Variants in LINGO1 observed in about 807,000 individuals in gnomAD.
LINGO1 encodes leucine-rich repeat and immunoglobulin-like domain-containing nogo receptor-interacting protein 1.
LINGO1 carries 11 observed loss-of-function variants against 37.3 expected under a neutral mutation model. That is an observed-to-expected ratio of 0.29 (90% CI 0.19 to 0.49). LINGO1 has a LOEUF of 0.49. LINGO1 is among the 20% of genes least tolerant of loss of function. The pLI is 0.99. For missense variants in LINGO1, 585 were observed against 878.2 expected, an observed-to-expected ratio of 0.67 and a Z score of 4.22; for synonymous variants, 387 against 403.0, an observed-to-expected ratio of 0.96 and a Z score of 0.48.
At chr15:77,646,400 T>G in intron 3 of LINGO1, 1 of 435,538 alleles carries the variant, frequency 2.3e-6, no homozygotes, top group African/African-American at 2.4e-5. Flanking sequence ...CACCCCTCTG[T>G]CATGGTGATC....
chr15:77,737,552 T>G (rs2076215338), intron 1 of LINGO1, among the ~76,000 whole-genome samples: 1 of 151,936 alleles, frequency 6.6e-6, no homozygotes, highest in African/African-American at 2.4e-5. Flanking sequence ...ATAGCAAAAC[T>G]CAAGAGCTAT....
intron 1 of LINGO1, among the ~76,000 whole-genome samples, chr15:77,629,718 G>A (rs897067391): frequency 6.6e-6 from 1 of 152,204 alleles, no homozygotes; most frequent in Non-Finnish European, 1.5e-5. Flanking sequence ...AGGCAGGAGG[G>A]CAAAAGGAAG....
At chr15:77,695,475 C>T (rs1032915015) in intron 1 of LINGO1, among the ~76,000 whole-genome samples, 1 of 152,218 alleles carries the variant, frequency 6.6e-6, no homozygotes, top group Non-Finnish European at 1.5e-5. Flanking sequence ...GTGCCATCTG[C>T]CCCTCAGATC....
Position 77,705,205 on chromosome 15 carries a change from A to ACACACACACACACACACACACACACC in LINGO1, c.-194-14305_-194-14304insGGTGTGTGTGTGTGTGTGTGTGTGTG, listed in dbSNP as rs1555532644. Among the ~76,000 whole-genome samples, 138 of 145,406 alleles carry ACACACACACACACACACACACACACC rather than the reference A, an allele frequency of 9.5e-4. 1 individual carries two copies. Among genetic ancestry groups the ACACACACACACACACACACACACACC allele is most frequent in the African/African-American group, 3.6e-3 (135 of 37,248 alleles). ...CACACACACACACACACACACACAC[A>ACACACACACACACACACACACACACC]CCAGTCCACTTCCAGCACCCTGGAC... On this transcript the variant is annotated intron_variant, in intron 2 of 3. Transcript: ENST00000561686.
intron 1 of LINGO1, among the ~76,000 whole-genome samples, chr15:77,693,089 C>T (rs1333322199): frequency 2.6e-5 from 4 of 152,306 alleles, no homozygotes; most frequent in Admixed American, 2.6e-4. Flanking sequence ...CACACACACA[C>T]GCACACACAC....
chr15:77,812,786 G>A (rs1457693657), intron 1 of LINGO1, among the ~76,000 whole-genome samples: 2 of 152,256 alleles, frequency 1.3e-5, no homozygotes, highest in Non-Finnish European at 2.9e-5. Flanking sequence ...GGAGAGTTAT[G>A]TATGGCTAGT....
chr15:77,662,794 C>G (rs998792613), intron 3 of LINGO1, among the ~76,000 whole-genome samples: 6 of 152,228 alleles, frequency 3.9e-5, no homozygotes, highest in African/African-American at 1.4e-4. Context: ...TCAGCTTGGT[C>G]ACACGCAGGC....
chr15:77,702,602 G>T (rs2075798788), intron 2 of LINGO1, among the ~76,000 whole-genome samples: 1 of 152,134 alleles, frequency 6.6e-6, no homozygotes. Flanking sequence ...AATTCTCTAG[G>T]TAAGGAAACT....
intron 2 of LINGO1, among the ~76,000 whole-genome samples, chr15:77,702,250 C>T (rs113275908): frequency 2.7e-4 from 41 of 152,310 alleles, no homozygotes; most frequent in African/African-American, 9.1e-4. Context: ...TCTCTGGTTC[C>T]TAGTCATCCT....
At chr15:77,806,037 C>T (rs1199669255) in intron 1 of LINGO1, among the ~76,000 whole-genome samples, 1 of 152,206 alleles carries the variant, frequency 6.6e-6, no homozygotes, top group African/African-American at 2.4e-5. Flanking sequence ...TTCCCTCCAC[C>T]TCTCCTCGGC....
At chr15:77,818,840 T>C (rs2077070309) in intron 1 of LINGO1, among the ~76,000 whole-genome samples, 1 of 151,278 alleles carries the variant, frequency 6.6e-6, no homozygotes, top group Non-Finnish European at 1.5e-5. Context: ...GCTGCGCGAC[T>C]GAGGAGCTGG....
At chr15:77,657,455 C>T (rs2074889628) in intron 3 of LINGO1, among the ~76,000 whole-genome samples, 1 of 152,182 alleles carries the variant, frequency 6.6e-6, no homozygotes, top group African/African-American at 2.4e-5. Context: ...TCCTGAATCC[C>T]CAAACTCCCC....
At chr15:77,806,314 C>T (rs1476545922) in intron 1 of LINGO1, among the ~76,000 whole-genome samples, 1 of 152,076 alleles carries the variant, frequency 6.6e-6, no homozygotes, top group Non-Finnish European at 1.5e-5. Context: ...AATTTATTTT[C>T]TATCATTAAT....
At chr15:77,699,569 AG>A (rs1459293211), upstream of LINGO1, among the ~76,000 whole-genome samples, 1 of 54,324 alleles carries the variant, frequency 1.8e-5, no homozygotes, top group Non-Finnish European at 3.9e-5. Context: ...CACACAGTAA[AG>A]CACATACTAA....
At chr15:77,642,099 C>T (rs116274785) in intron 3 of LINGO1, 4,182 of 410,560 alleles carry the variant, frequency 0.01, 90 homozygotes, top group African/African-American at 0.059. Flanking sequence ...ATAAATGGGG[C>T]GCTCCTCCAC....
chr15:77,729,552 G>C (rs2076134901), intron 2 of LINGO1, among the ~76,000 whole-genome samples: 1 of 152,180 alleles, frequency 6.6e-6, no homozygotes, highest in Non-Finnish European at 1.5e-5. Context: ...CTGGGCCCCA[G>C]ATCACTCTGT....
chr15:77,812,387 G>A lies in LINGO1; in HGVS notation c.-458+7871C>T, dbSNP rs899729892. Reference sequence around the variant, plus strand: ...TCTCATTCAAAGGCAAAGTGTCACCGGACAAAGAGACTGAAATCTCCACTT... The same window carrying A: ...TCTCATTCAAAGGCAAAGTGTCACCAGACAAAGAGACTGAAATCTCCACTT... On this transcript the variant is annotated intron_variant, in intron 1 of 5. Transcript: ENST00000562933. 3.9e-5 allele frequency among the ~76,000 whole-genome samples: 6 copies of A among 152,208 alleles called. 1 individual carries two copies. The highest frequency in any genetic ancestry group is 4.1e-4 in the South Asian group (2 of 4,830).
intron 1 of LINGO1, among the ~76,000 whole-genome samples, chr15:77,777,528 G>A (rs1393785023): frequency 2.6e-5 from 4 of 151,586 alleles, no homozygotes; most frequent in South Asian, 2.1e-4. Context: ...GCGAGTGCAC[G>A]CCATTCACTC....
At chr15:77,701,900 G>A (rs1251736279) in intron 2 of LINGO1, among the ~76,000 whole-genome samples, 1 of 152,202 alleles carries the variant, frequency 6.6e-6, no homozygotes, top group Admixed American at 6.5e-5. Context: ...TTCCTTTAGA[G>A]TAACACACAA....
Sources: allele counts gnomAD v4.1 joint callset (sites outside exome capture counted in the v4.1 genomes callset), GRCh38; gene constraint gnomAD v4.1.1; transcripts MANE v1.5; gene names NCBI Gene and HGNC (gene_info 2026-07-23, HGNC 2026-07-21).